Variants in DOCK2 observed in about 807,000 individuals in gnomAD.
The protein encoded by DOCK2 is dedicator of cytokinesis 2, also known as dedicator of cytokinesis protein 2.
Under a neutral mutation model 248.9 loss-of-function variants are expected in DOCK2, and 87 were observed. The observed-to-expected ratio is 0.35, with a 90% CI of 0.29 to 0.42. The LOEUF (loss-of-function observed/expected upper bound fraction) is 0.42, where lower values mean the gene tolerates loss of function less well. Among genes scored for constraint, DOCK2 ranks in the 10% least tolerant of loss-of-function variants. DOCK2 has a pLI of 1.00. For synonymous variants in DOCK2, 805 were observed against 821.6 expected (o/e 0.98, Z 0.35); for missense variants, 1,747 against 2,300.2 (o/e 0.76, Z 4.92).
At chr5:169,882,010 T>A (rs147956751) in intron 27 of DOCK2, among the ~76,000 whole-genome samples, 1 of 152,296 alleles carries the variant, frequency 6.6e-6, no homozygotes, top group Non-Finnish European at 1.5e-5. Context: ...TTGCCGAAAA[T>A]GAATTGTGCA....
chr5:170,070,476 G>C (rs1392412190), intron 46 of DOCK2, among the ~76,000 whole-genome samples: 2 of 152,196 alleles, frequency 1.3e-5, no homozygotes, highest in East Asian at 3.8e-4. Flanking sequence ...TTGTGTGTCT[G>C]TCTGGAATTT....
chr5:169,934,851 C>T (rs1215011662), intron 27 of DOCK2: 14 of 386,798 alleles, frequency 3.6e-5, no homozygotes, highest in Non-Finnish European at 6.8e-5. Context: ...GTAAATAAAG[C>T]ATTATACATT....
intron 39 of DOCK2, 78 bp downstream of exon 39, chr5:170,045,983 G>A: frequency 7.2e-7 from 1 of 1,397,828 alleles, no homozygotes; most frequent in Non-Finnish European, 1.0e-6. Flanking sequence ...ATCCTGGGGA[G>A]ATGGGCATGA....
At chr5:169,946,351 G>A (rs1776448055) in intron 27 of DOCK2, among the ~76,000 whole-genome samples, 1 of 152,194 alleles carries the variant, frequency 6.6e-6, no homozygotes, top group South Asian at 2.1e-4. Context: ...GGCGACTGAG[G>A]GGGACGAGTC....
intron 27 of DOCK2, chr5:169,882,929 C>CT: frequency 6.4e-7 from 1 of 1,551,910 alleles, no homozygotes; most frequent in Non-Finnish European, 8.7e-7. Flanking sequence ...GAGGCTCTTC[C>CT]TGGGTGGGCT....
At chr5:169,968,282 C>T (rs982316129) in intron 27 of DOCK2, among the ~76,000 whole-genome samples, 4 of 152,160 alleles carry the variant, frequency 2.6e-5, no homozygotes, top group Non-Finnish European at 5.9e-5. Context: ...CTGAGAAGAC[C>T]TTTGTCCTTT....
At chr5:169,662,280 G>T (rs1758489637) in intron 2 of DOCK2, among the ~76,000 whole-genome samples, 1 of 152,060 alleles carries the variant, frequency 6.6e-6, no homozygotes, top group South Asian at 2.1e-4. Flanking sequence ...TGTCTATTCA[G>T]TTTCTTTGCC....
In DOCK2 at chr5:169,700,047, A is replaced by G; in HGVS notation, c.1166A>G (p.Asp389Gly). 6.2e-7 allele frequency: 1 copy of G among 1,613,986 alleles called. No homozygotes were observed. The highest frequency in any genetic ancestry group is 2.2e-5 in the East Asian group (1 of 44,868). ...LWVTMKMLVG[D>G]IIQIRKDYPH... is the part of the protein sequence containing the mutation. ...GTGACCATGAAGATGCTGGTGGGTG[A>G]CATCATTCAGATTCGCAAGGACTAT... Residue 389 changes from aspartate to glycine, a missense_variant, in exon 13 of 52, where the codon GAC becomes GGC. Coordinates refer to ENST00000520908, the MANE Select transcript of DOCK2 (RefSeq NM_004946.3).
At chr5:169,960,448 A>G (rs1008661939) in intron 27 of DOCK2, among the ~76,000 whole-genome samples, 28 of 152,342 alleles carry the variant, frequency 1.8e-4, no homozygotes, top group Admixed American at 7.2e-4. Context: ...TTCATCTCAC[A>G]TCTTTTGGGA....
In DOCK2 at chr5:170,002,886, C is replaced by G. The variant is rs535543938; in HGVS notation, c.3073-5611C>G. ...CTGTAGCTTCCCCTAGTCAGCTGAG[C>G]TAGGCACTTAGTAGAAATATCACCA... On this transcript the variant is annotated intron_variant, in intron 30 of 51. Coordinates refer to ENST00000520908, the MANE Select transcript of DOCK2 (RefSeq NM_004946.3). Among the ~76,000 whole-genome samples the G allele has an allele frequency of 5.3e-5, 8 of 152,310 alleles. No individual in the cohort carries two copies. The South Asian group carries it at 1.5e-3, about 28-fold the overall frequency.
At chr5:169,721,112 C>G (rs929585848) in intron 22 of DOCK2, among the ~76,000 whole-genome samples, 1 of 152,370 alleles carries the variant, frequency 6.6e-6, no homozygotes, top group Admixed American at 6.5e-5. Flanking sequence ...TTGCTCTTCT[C>G]TGCCTCAAGG....
At chr5:169,883,083 C>T in intron 27 of DOCK2, 2 of 1,551,606 alleles carry the variant, frequency 1.3e-6, no homozygotes, top group Non-Finnish European at 1.7e-6. Context: ...GTTTAAGTTC[C>T]TCTGTGCCTG....
chr5:169,646,468 A>T (rs1001889961), intron 1 of DOCK2, among the ~76,000 whole-genome samples: 1 of 152,196 alleles, frequency 6.6e-6, no homozygotes, highest in African/African-American at 2.4e-5. Context: ...CCTCTATTTT[A>T]TGGAAGTTGC....
At chr5:170,045,009 G>A (rs1756651344) in intron 38 of DOCK2, among the ~76,000 whole-genome samples, 1 of 152,116 alleles carries the variant, frequency 6.6e-6, no homozygotes, top group Non-Finnish European at 1.5e-5. Flanking sequence ...AGACAGAGGA[G>A]AGAAGAATTA....
intron 6 of DOCK2, among the ~76,000 whole-genome samples, chr5:169,678,695 G>T (rs1236698302): frequency 6.6e-6 from 1 of 152,204 alleles, no homozygotes; most frequent in African/African-American, 2.4e-5. Context: ...CTGATAATGT[G>T]GCTCCAGAGT....
chr5:170,076,436 G>A (rs10866644), intron 47 of DOCK2, among the ~76,000 whole-genome samples: 23,566 of 152,202 alleles, frequency 0.15, 2,551 homozygotes, highest in East Asian at 0.55. Flanking sequence ...AGCCTGAGAG[G>A]CAGGAAAGAT....
intron 41 of DOCK2, among the ~76,000 whole-genome samples, chr5:170,052,217 T>C (rs1423620969): frequency 2.0e-5 from 3 of 152,388 alleles, no homozygotes; most frequent in Middle Eastern, 3.4e-3. Flanking sequence ...CTTTTCATTA[T>C]GCTTGCCTGC....
rs1241918757 is a variant in DOCK2 at position 170,078,996 on chromosome 5, A to C, written c.5016A>C (p.Ser1672=). 1 of 1,614,066 alleles carries C rather than the reference A, an allele frequency of 6.2e-7. No homozygotes were observed. The highest frequency in any genetic ancestry group is 1.7e-5 in the Admixed American group (1 of 60,020). The change falls in exon 49 of 52, where the codon TCA becomes TCC. Residue 1672 remains serine (S), a synonymous_variant. Transcript: ENST00000520908. ...TSESFDLELA[S]PKTPRVEQEE... ...TCAGCTTTGACCTGGAATTAGCATC[A>C]CCCAAGACGCCGAGAGTGGAGCAGG...
At chr5:169,762,445 C>T (rs1228236452) in intron 25 of DOCK2, among the ~76,000 whole-genome samples, 2 of 152,154 alleles carry the variant, frequency 1.3e-5, no homozygotes, top group Non-Finnish European at 2.9e-5. Context: ...AAACTGGTCA[C>T]CACTGGGCCC....
Sources: gnomAD v4.1 joint callset for allele counts (sites outside exome capture counted in the v4.1 genomes callset) on GRCh38, gnomAD v4.1.1 for gene constraint, MANE v1.5 for transcripts, NCBI Gene and HGNC (gene_info 2026-07-23, HGNC 2026-07-21) for gene names.